The following SORCS3 variants were observed in gnomAD, a reference collection of about 807,000 sequenced individuals.
SORCS3 encodes sortilin related VPS10 domain containing receptor 3.
SORCS3 carries 57 observed loss-of-function variants against 146.3 expected under a neutral mutation model. The observed-to-expected ratio is 0.39, with a 90% CI of 0.31 to 0.49. The LOEUF is 0.49. Among genes scored for constraint, SORCS3 ranks in the 20% least tolerant of loss-of-function variants. The pLI, the probability that SORCS3 is intolerant of heterozygous loss-of-function variation, is 0.92. For synonymous variants in SORCS3, 653 were observed against 618.5 expected (o/e 1.06, Z -0.83); for missense variants, 1,341 against 1,575.5 (o/e 0.85, Z 2.52).
At position 104,641,508 on chromosome 10, in the gene SORCS3, C is replaced by T. The variant is rs1423411770; in HGVS notation, c.181C>T (p.Pro61Ser). ...SRPPALSPLSPRAVASQWPEE... is the reference protein window; with the variant it reads ...SRPPALSPLSSRAVASQWPEE... ...GCCACCGGCGTTGTCTCCACTCTCGCCGCGGGCAGTGGCCAGCCAGTGGCC... is the reference window on the plus strand; with the variant it reads ...GCCACCGGCGTTGTCTCCACTCTCGTCGCGGGCAGTGGCCAGCCAGTGGCC... The change falls in exon 1 of 27, where the codon CCG (proline) becomes TCG (serine). Residue 61 changes from proline to serine, a missense_variant. Pro to Ser is a moderately conservative substitution (Grantham distance 74). Transcript: ENST00000369701. The surrounding 1 kb of genome is among the most constrained non-coding windows in gnomAD (Gnocchi z 6.4). 8 of 1,474,486 alleles carry T rather than the reference C, an allele frequency of 5.4e-6. No individual in the cohort carries two copies. Among genetic ancestry groups the T allele is most frequent in the Non-Finnish European group, 7.1e-6 (8 of 1,121,430 alleles). The allele number at this position is 1,474,486 out of a possible 1,614,324, so 91.3% of individuals were successfully genotyped here. A position where few individuals can be genotyped will look rare whatever the true frequency, so the allele number is the denominator to read the frequency against.
At chr10:104,940,896 TC>T (rs1424838746) in intron 3 of SORCS3, among the ~76,000 whole-genome samples, 1 of 152,126 alleles carries the variant, frequency 6.6e-6, no homozygotes, top group Non-Finnish European at 1.5e-5. Flanking sequence ...ACTTTAAAGT[TC>T]ATATGGAACC....
intron 4 of SORCS3, among the ~76,000 whole-genome samples, chr10:104,978,226 G>T (rs145309117): frequency 2.0e-5 from 3 of 152,104 alleles, no homozygotes; most frequent in Admixed American, 6.6e-5. Context: ...CCACCTCGAG[G>T]CATATTCCAT....
intron 13 of SORCS3, among the ~76,000 whole-genome samples, chr10:105,173,837 G>T (rs1041889097): frequency 3.3e-5 from 5 of 151,980 alleles, no homozygotes; most frequent in Admixed American, 1.3e-4. Flanking sequence ...CTCTGTAATG[G>T]TTTTCTCCTG....
intron 13 of SORCS3, 126 bp from the exon 14 acceptor site, chr10:105,177,940 A>G (rs1448079918): frequency 2.9e-6 from 2 of 679,778 alleles, no homozygotes; most frequent in Non-Finnish European, 5.2e-6. Flanking sequence ...GAAGATTAAA[A>G]CCTATTGATA....
chr10:104,814,534 C>T (rs2017774908), intron 1 of SORCS3, among the ~76,000 whole-genome samples: 1 of 152,084 alleles, frequency 6.6e-6, no homozygotes, highest in Non-Finnish European at 1.5e-5. Flanking sequence ...TGTGTCAGAC[C>T]CCTATTCATC....
intron 1 of SORCS3, among the ~76,000 whole-genome samples, chr10:104,652,070 TG>T: frequency 6.6e-6 from 1 of 151,712 alleles, no homozygotes; most frequent in African/African-American, 2.4e-5. Flanking sequence ...TGTGTGTGTG[TG>T]TGTGTGTGTG....
intron 7 of SORCS3, among the ~76,000 whole-genome samples, chr10:105,135,082 G>T (rs1043257740): frequency 1.6e-4 from 24 of 151,880 alleles, no homozygotes; most frequent in African/African-American, 5.1e-4. Flanking sequence ...ACCCAACAGG[G>T]TAAACAACCT....
chr10:104,928,917 T>A (rs1388101538), intron 3 of SORCS3, among the ~76,000 whole-genome samples: 1 of 152,202 alleles, frequency 6.6e-6, no homozygotes, highest in Non-Finnish European at 1.5e-5. Flanking sequence ...GAGAAATGGC[T>A]TGGGCTGTCT....
rs1001824870 is a variant in SORCS3, at chr10:104,984,374, C to G, written c.954+6881C>G. On this transcript the variant is annotated intron_variant, in intron 4 of 26. Transcript: ENST00000369701. ...CACTTTCTGTACGATAATTATAATA[C>G]CCAGTGTCGGGTATTATATTTTGAA... 2.2e-4 allele frequency among the ~76,000 whole-genome samples: 33 copies of G among 152,162 alleles called. 1 individual carries two copies. Among genetic ancestry groups the G allele is most frequent in the African/African-American group, 7.5e-4 (31 of 41,518 alleles).
chr10:104,673,351 T>C (rs1236617458), intron 1 of SORCS3, among the ~76,000 whole-genome samples: 2 of 152,146 alleles, frequency 1.3e-5, no homozygotes, highest in African/African-American at 4.8e-5. Context: ...CCTGCATTAC[T>C]ATTTTCTTTT....
chr10:105,072,637 TTTTC>T (rs912491544), intron 5 of SORCS3, among the ~76,000 whole-genome samples: 1 of 143,410 alleles, frequency 7.0e-6, no homozygotes, highest in Non-Finnish European at 1.5e-5. Flanking sequence ...GGAGGAAACC[TTTTC>T]TTTCTTTCTC....
chr10:104,890,314 C>T (rs1321330936), intron 2 of SORCS3, among the ~76,000 whole-genome samples: 2 of 152,074 alleles, frequency 1.3e-5, no homozygotes, highest in African/African-American at 2.4e-5. Flanking sequence ...TGTTGTCCTG[C>T]AGCACACTGA....
chr10:105,137,508 C>A (rs2133776889), intron 7 of SORCS3, among the ~76,000 whole-genome samples: 1 of 150,950 alleles, frequency 6.6e-6, no homozygotes, highest in East Asian at 2.0e-4. Flanking sequence ...AAAAAAAAAC[C>A]CCACCTTTCT....
intron 5 of SORCS3, among the ~76,000 whole-genome samples, chr10:105,044,749 T>G (rs73340211): frequency 0.058 from 8,865 of 151,642 alleles, 280 homozygotes; most frequent in Middle Eastern, 0.088. Context: ...GGAGTAGTTG[T>G]GAGAGAAAAG....
chr10:105,089,662 G>T, intron 5 of SORCS3, 113 bp from the exon 6 acceptor site: 1 of 782,896 alleles, frequency 1.3e-6, no homozygotes, highest in South Asian at 1.5e-5. Flanking sequence ...ACTGCAGGAT[G>T]GTCCTCTTTG....
intron 1 of SORCS3, among the ~76,000 whole-genome samples, chr10:104,696,703 A>C (rs1256913916): frequency 1.2e-5 from 1 of 83,124 alleles, no homozygotes; most frequent in Admixed American, 2.0e-4. Flanking sequence ...TATATTATAT[A>C]CGTATATATA....
chr10:105,242,807 T>TA (rs2056841525), intron 20 of SORCS3, among the ~76,000 whole-genome samples: 1 of 97,470 alleles, frequency 1.0e-5, no homozygotes, highest in Non-Finnish European at 1.8e-5. Flanking sequence ...TATATATAAT[T>TA]TATATATATT....
At chr10:104,649,643 C>A (rs953747853) in intron 1 of SORCS3, among the ~76,000 whole-genome samples, 3 of 152,122 alleles carry the variant, frequency 2.0e-5, no homozygotes, top group African/African-American at 7.2e-5. Context: ...GAGTCTTTGC[C>A]ATGTCTATCT....
intron 2 of SORCS3, among the ~76,000 whole-genome samples, chr10:104,869,052 C>A (rs963978733): frequency 6.6e-6 from 1 of 152,106 alleles, no homozygotes; most frequent in Admixed American, 6.6e-5. Flanking sequence ...ATTCAGAAAA[C>A]TCATTCTCTA....
Sources: gnomAD v4.1 joint callset for allele counts (sites outside exome capture counted in the v4.1 genomes callset) on GRCh38, gnomAD v4.1.1 for gene constraint, Gnocchi (gnomAD v3.1) non-coding constraint, MANE v1.5 for transcripts, NCBI Gene and HGNC (gene_info 2026-07-23, HGNC 2026-07-21) for gene names.